Variants in DYNC1LI2 observed in about 807,000 individuals in gnomAD.
The protein encoded by DYNC1LI2 is cytoplasmic dynein 1 light intermediate chain 2.
A neutral mutation model predicts 57.8 loss-of-function variants in DYNC1LI2; 19 were observed. The observed-to-expected ratio is 0.33, with a 90% CI of 0.23 to 0.48. DYNC1LI2 has a LOEUF of 0.48. Among genes scored for constraint, DYNC1LI2 ranks in the 20% least tolerant of loss-of-function variants. The pLI, the probability that DYNC1LI2 is intolerant of heterozygous loss-of-function variation, is 0.99. For synonymous variants in DYNC1LI2, 256 were observed against 233.4 expected (o/e 1.10, Z -0.88); for missense variants, 470 against 604.2 (o/e 0.78, Z 2.33).
rs1456346722 is a variant in DYNC1LI2, at chr16:66,742,583, C to G, written c.384G>C (p.Leu128Phe). The G allele has an allele frequency of 3.7e-6, 6 of 1,614,072 alleles. No individual in the cohort carries two copies. Among genetic ancestry groups the G allele is most frequent in the Non-Finnish European group, 5.1e-6 (6 of 1,180,050 alleles). The change falls in exon 4 of 13, where the codon TTG becomes TTC. Residue 128 changes from leucine (L) to phenylalanine (F), a missense_variant. Leu to Phe is a conservative substitution (Grantham distance 22). Coordinates refer to ENST00000258198, the MANE Select transcript of DYNC1LI2 (RefSeq NM_006141.3). ...CAACAAAAATGACGAGGGTCTCTGGCAAGGATTCAGCAGAAACTGCAAATT... is the reference window on the plus strand; with the variant it reads ...CAACAAAAATGACGAGGGTCTCTGGGAAGGATTCAGCAGAAACTGCAAATT... ...LLKFAVSAES[L>F]PETLVIFVAD... is the part of the protein sequence containing the mutation.
intron 10 of DYNC1LI2, 114 bp from the exon 11 acceptor site, chr16:66,727,919 C>A: frequency 1.0e-6 from 1 of 1,001,824 alleles, no homozygotes; most frequent in African/African-American, 1.6e-5. Context: ...TGGTACAGGA[C>A]TGGGAGTATG....
chr16:66,734,031 C>CT (rs2017685628), intron 6 of DYNC1LI2, 187 bp downstream of exon 6: 2 of 556,378 alleles, frequency 3.6e-6, no homozygotes, highest in Non-Finnish European at 6.3e-6. Flanking sequence ...AATGAGTGAT[C>CT]AAAGGTAGAC....
At chr16:66,737,244 C>T (rs748895994) in intron 4 of DYNC1LI2, among the ~76,000 whole-genome samples, 5 of 152,140 alleles carry the variant, frequency 3.3e-5, no homozygotes, top group Middle Eastern at 3.4e-3. Flanking sequence ...TCACTGTACT[C>T]CAGTCTGGGC....
chr16:66,733,467 G>T (rs941554923), intron 6 of DYNC1LI2: 1 of 152,210 alleles, frequency 6.6e-6, no homozygotes, highest in Non-Finnish European at 1.5e-5. Flanking sequence ...CTTTGAGGGG[G>T]CCGAGGTGGG....
intron 10 of DYNC1LI2, 167 bp downstream of exon 10, chr16:66,728,034 A>G (rs2017567108): frequency 2.0e-6 from 2 of 1,002,970 alleles, no homozygotes; most frequent in Admixed American, 2.8e-5. Context: ...TTCATCAGAA[A>G]CTTCTTGAGT....
chr16:66,725,305 C>T (rs527733755), intron 12 of DYNC1LI2, among the ~76,000 whole-genome samples: 1 of 151,594 alleles, frequency 6.6e-6, no homozygotes, highest in South Asian at 2.1e-4. Flanking sequence ...CATGATGAAA[C>T]CACATCTCTA....
Position 66,725,906 on chromosome 16 carries a change from TG to T in DYNC1LI2, c.1299del (p.Phe433LeufsTer5). The T allele has an allele frequency of 6.2e-7, 1 of 1,614,068 alleles. No individual in the cohort carries two copies. Among genetic ancestry groups the T allele is most frequent in the Non-Finnish European group, 8.5e-7 (1 of 1,179,996 alleles). Reference sequence around the variant, plus strand: ...CCTGTCTTTTTACTCAACAGACTGTTGAAGAAGCTGGCCAACACCCCTTCAC... The same window carrying T: ...CCTGTCTTTTTACTCAACAGACTGTTAAGAAGCTGGCCAACACCCCTTCAC... ...AASEGVLASFFNSLLSKKTGS... is the reference protein window; with the variant it reads ...AASEGVLASFXNSLLSKKTGS... On this transcript the variant is annotated frameshift_variant, in exon 12 of 13. Coordinates refer to ENST00000258198, the MANE Select transcript of DYNC1LI2 (RefSeq NM_006141.3). LOFTEE classifies it high-confidence loss of function.
intron 2 of DYNC1LI2, among the ~76,000 whole-genome samples, chr16:66,750,760 G>GT (rs1485307912): frequency 1.3e-5 from 2 of 152,280 alleles, no homozygotes; most frequent in African/African-American, 4.8e-5. Flanking sequence ...GCCAGAGGGA[G>GT]TAAGGGACCT....
chr16:66,726,032 C>G, intron 11 of DYNC1LI2, 88 bp from the exon 12 acceptor site: 2 of 1,377,080 alleles, frequency 1.5e-6, no homozygotes, highest in East Asian at 4.6e-5. Context: ...GCATTAGCCA[C>G]TTGTGGCTAT....
rs1326201317 is a variant in DYNC1LI2, at chr16:66,727,740, C to A, written c.1209G>T (p.Val403=). ...RTQGRGGPAS[V]PSSSPGTSVK... Reference sequence around the variant, plus strand: ...CTGACGTGCCTGGGGAGGAGCTAGGCACACTGGCTGGCCCTCCCCGACCCT... The same window carrying A: ...CTGACGTGCCTGGGGAGGAGCTAGGAACACTGGCTGGCCCTCCCCGACCCT... Residue 403 remains valine, a synonymous_variant, in exon 11 of 13, where the codon GTG becomes GTT. Coordinates refer to ENST00000258198, the MANE Select transcript of DYNC1LI2 (RefSeq NM_006141.3). 1 of 1,614,150 alleles carries A rather than the reference C, an allele frequency of 6.2e-7. No homozygotes were observed. Among genetic ancestry groups the A allele is most frequent in the Non-Finnish European group, 8.5e-7 (1 of 1,180,018 alleles).
At chr16:66,739,395 C>G (rs1370991285) in intron 4 of DYNC1LI2, 1 of 152,194 alleles carries the variant, frequency 6.6e-6, no homozygotes, top group Non-Finnish European at 1.5e-5. Flanking sequence ...TGTGGCTGCC[C>G]AACAATAGGA....
At chr16:66,748,023 A>G (rs181500314) in intron 3 of DYNC1LI2, among the ~76,000 whole-genome samples, 45 of 152,258 alleles carry the variant, frequency 3.0e-4, no homozygotes, top group African/African-American at 9.4e-4. Context: ...GCAGTGGTTC[A>G]TGCCTGTAAT....
chr16:66,724,044 G>C (rs2017495434), intron 12 of DYNC1LI2, among the ~76,000 whole-genome samples: 1 of 152,096 alleles, frequency 6.6e-6, no homozygotes, highest in Admixed American at 6.5e-5. Flanking sequence ...AACTCCAAGG[G>C]AGTGACTTGA....
intron 5 of DYNC1LI2, among the ~76,000 whole-genome samples, chr16:66,735,498 GTTC>G (rs1226428035): frequency 1.4e-5 from 2 of 140,374 alleles, no homozygotes; most frequent in African/African-American, 6.5e-5. Flanking sequence ...ACTGCTGTGA[GTTC>G]TTTTTTTTTT....
intron 4 of DYNC1LI2, among the ~76,000 whole-genome samples, chr16:66,739,615 CAG>C (rs1452999839): frequency 1.3e-5 from 2 of 152,004 alleles, no homozygotes; most frequent in Non-Finnish European, 2.9e-5. Flanking sequence ...TTTTTAGAGA[CAG>C]GGTTTCGCCA....
chr16:66,723,401 G>A lies in DYNC1LI2; in HGVS notation c.*321C>T, dbSNP rs988253177. The A allele has an allele frequency of 4.1e-6, 2 of 493,078 alleles. No homozygotes were observed. Among genetic ancestry groups the A allele is most frequent in the Admixed American group, 2.3e-5 (1 of 43,700 alleles). 30.5% of individuals were successfully genotyped at this position (493,078 alleles called of 1,614,324 possible). ...TACCAATGATTTCTTGGTCTCATTT[G>A]CTCCACCCTGTTAGAAAGTGGGCCC... On this transcript the variant is annotated 3_prime_UTR_variant, in exon 13 of 13. Coordinates refer to ENST00000258198, the MANE Select transcript of DYNC1LI2 (RefSeq NM_006141.3).
intron 8 of DYNC1LI2, 62 bp downstream of exon 8, chr16:66,730,050 G>C (rs956670611): frequency 1.4e-6 from 2 of 1,454,870 alleles, no homozygotes; most frequent in Non-Finnish European, 1.9e-6. Flanking sequence ...CAAAGTGCTG[G>C]GATTACAGGC....
chr16:66,729,794 T>G (rs1052755319), intron 8 of DYNC1LI2, among the ~76,000 whole-genome samples: 1 of 151,932 alleles, frequency 6.6e-6, no homozygotes, highest in Non-Finnish European at 1.5e-5. Context: ...TCTTCTTTTC[T>G]TTTTTTGATA....
At chr16:66,728,155 C>T in intron 10 of DYNC1LI2, 46 bp downstream of exon 10, 6 of 1,611,600 alleles carry the variant, frequency 3.7e-6, no homozygotes, top group Non-Finnish European at 5.1e-6. Context: ...TTTGATGACA[C>T]CCACAACACT....
Sources: allele counts gnomAD v4.1 joint callset (sites outside exome capture counted in the v4.1 genomes callset), GRCh38; gene constraint gnomAD v4.1.1; transcripts MANE v1.5; gene names NCBI Gene and HGNC (gene_info 2026-07-23, HGNC 2026-07-21).